The following MEGF9 variants were observed in gnomAD, a reference collection of about 807,000 sequenced individuals.
The protein encoded by MEGF9 is multiple EGF like domains 9.
Under a neutral mutation model 46.8 loss-of-function variants are expected in MEGF9, and 6 were observed. That is an observed-to-expected ratio of 0.13 (90% CI 0.07 to 0.25). The LOEUF is 0.25. Among genes scored for constraint, MEGF9 ranks in the 10% least tolerant of loss-of-function variants. The pLI is 1.00. For missense variants in MEGF9, 683 were observed against 792.4 expected (o/e 0.86, Z 1.66); for synonymous variants, 302 against 330.7 (o/e 0.91, Z 0.94).
At chr9:120,609,746 T>G (rs1009167653) in intron 4 of MEGF9, among the ~76,000 whole-genome samples, 2 of 152,134 alleles carry the variant, frequency 1.3e-5, no homozygotes, top group African/African-American at 2.4e-5. Flanking sequence ...TCCTTAGAAT[T>G]TACTATTATA....
intron 2 of MEGF9, among the ~76,000 whole-genome samples, chr9:120,630,482 T>C (rs1333797933): frequency 6.6e-6 from 1 of 152,248 alleles, no homozygotes; most frequent in Non-Finnish European, 1.5e-5. Flanking sequence ...GGCATGCAAA[T>C]ATCTCTTTGG....
intron 1 of MEGF9, among the ~76,000 whole-genome samples, chr9:120,669,464 A>T (rs1024765123): frequency 6.6e-6 from 1 of 152,186 alleles, no homozygotes; most frequent in African/African-American, 2.4e-5. Flanking sequence ...AATTATACCT[A>T]AAGGTTAAAA....
rs118070880 is a variant in MEGF9, at chr9:120,621,458, C to T, written c.943+1158G>A. 3.5e-3 allele frequency among the ~76,000 whole-genome samples: 531 copies of T among 152,304 alleles called. 6 individuals are homozygous for T. The highest frequency in any genetic ancestry group is 0.016 in the South Asian group (78 of 4,824). ...TGTACAATCTACTGTTAGATTAATG[C>T]AATGAGTTATTAATTCACATGTTGT... On this transcript the variant is annotated intron_variant, in intron 3 of 5. Transcript: ENST00000373930.
chr9:120,615,916 A>C (rs1360695945), intron 3 of MEGF9, among the ~76,000 whole-genome samples: 3 of 152,172 alleles, frequency 2.0e-5, no homozygotes, highest in Non-Finnish European at 4.4e-5. Context: ...AATAAATTAA[A>C]AAAAGAATAA....
intron 1 of MEGF9, among the ~76,000 whole-genome samples, chr9:120,711,840 T>TACAC (rs146669450): frequency 0.032 from 4,492 of 139,128 alleles, 93 homozygotes; most frequent in Admixed American, 0.053. Flanking sequence ...TATACATACA[T>TACAC]ACATACACAC....
chr9:120,666,463 T>C (rs2043725502), intron 1 of MEGF9, among the ~76,000 whole-genome samples: 1 of 152,218 alleles, frequency 6.6e-6, no homozygotes. Flanking sequence ...TATCCCTCTA[T>C]TTGAATGGCT....
At chr9:120,667,336 G>A (rs552841871) in intron 1 of MEGF9, among the ~76,000 whole-genome samples, 1 of 152,288 alleles carries the variant, frequency 6.6e-6, no homozygotes, top group East Asian at 1.9e-4. Context: ...TTTACTAAAA[G>A]GAGTACAATC....
intron 1 of MEGF9, among the ~76,000 whole-genome samples, chr9:120,691,927 G>A (rs773884345): frequency 1.8e-4 from 27 of 152,110 alleles, no homozygotes; most frequent in African/African-American, 4.1e-4. Context: ...AATATGGTAC[G>A]GAATAAATTG....
intron 5 of MEGF9, among the ~76,000 whole-genome samples, chr9:120,607,491 G>C (rs187044113): frequency 5.3e-5 from 8 of 152,166 alleles, no homozygotes; most frequent in Admixed American, 6.5e-5. Flanking sequence ...AATAAAAATA[G>C]ATGAAGAGAA....
chr9:120,613,049 C>A (rs1370695524), intron 3 of MEGF9, among the ~76,000 whole-genome samples: 2 of 151,554 alleles, frequency 1.3e-5, no homozygotes, highest in Non-Finnish European at 2.9e-5. Context: ...GTTGCCCAGG[C>A]TGATACTGAA....
rs1006849810 is a variant in MEGF9, at chr9:120,713,783, G to T, written c.576C>A (p.Thr192=). 4 of 1,294,434 alleles carry T rather than the reference G, an allele frequency of 3.1e-6. No homozygotes were observed. In the African/African-American group the frequency reaches 4.5e-5, roughly 15 times the overall value. The allele number at this position is 1,294,434 out of a possible 1,614,324, so 80.2% of individuals were successfully genotyped here. A position where few individuals can be genotyped will look rare whatever the true frequency, so the allele number is the denominator to read the frequency against. Residue 192 remains threonine (T), a synonymous_variant, in exon 1 of 6, where the codon ACC becomes ACA. Transcript: ENST00000373930. ...NSSVLPTPPA[T]EAPSSPPPEY... is the part of the protein sequence containing the mutation. ...CTGGAGGAGGCGAAGAGGGGGCCTC[G>T]GTGGCAGGTGGGGTGGGGAGGACGC...
Position 120,703,680 on chromosome 9 carries a change from A to G in MEGF9, c.601+10078T>C, listed in dbSNP as rs563905384. Reference sequence around the variant, plus strand: ...GAAATAGCAGGTTAAGATAATTCCAAAGAGATTCTGGGCCAGGTGCAGTGG... The same window carrying G: ...GAAATAGCAGGTTAAGATAATTCCAGAGAGATTCTGGGCCAGGTGCAGTGG... On this transcript the variant is annotated intron_variant, in intron 1 of 5. Coordinates refer to ENST00000373930, the MANE Select transcript of MEGF9 (RefSeq NM_001080497.3). 2.6e-5 allele frequency among the ~76,000 whole-genome samples: 4 copies of G among 152,336 alleles called. No individual in the cohort carries two copies. The South Asian group carries it at 8.3e-4, about 32-fold the overall frequency.
rs1307209009 is a variant in MEGF9 at position 120,604,924 on chromosome 9, G to C, written c.*266C>G. 2.2e-6 allele frequency: 1 copy of C among 444,664 alleles called. No individual in the cohort carries two copies. The highest frequency in any genetic ancestry group is 4.0e-6 in the Non-Finnish European group (1 of 249,798). The allele number at this position is 444,664 out of a possible 1,614,324, so 27.5% of individuals were successfully genotyped here. A position where few individuals can be genotyped will look rare whatever the true frequency, so the allele number is the denominator to read the frequency against. On this transcript the variant is annotated 3_prime_UTR_variant, in exon 6 of 6. Transcript: ENST00000373930. ...CAAAGTGGTTTTGGGCTGCACTATG[G>C]GGTTCAGCCTTTCCATACTCCCATG...
chr9:120,654,329 A>C (rs909580626), intron 2 of MEGF9, among the ~76,000 whole-genome samples: 3 of 152,238 alleles, frequency 2.0e-5, no homozygotes, highest in African/African-American at 7.2e-5. Context: ...AAAATAGTCC[A>C]TATAGAACAG....
intron 2 of MEGF9, among the ~76,000 whole-genome samples, chr9:120,636,176 A>C (rs2043573306): frequency 6.6e-6 from 1 of 152,138 alleles, no homozygotes; most frequent in Non-Finnish European, 1.5e-5. Flanking sequence ...GACCTCAAGT[A>C]ATCCACCCAT....
At chr9:120,634,283 C>CAT (rs2043563077) in intron 2 of MEGF9, among the ~76,000 whole-genome samples, 1 of 151,896 alleles carries the variant, frequency 6.6e-6, no homozygotes, top group Admixed American at 6.6e-5. Context: ...GTGTTGGGTG[C>CAT]ATATATATTT....
chr9:120,676,376 C>T (rs2043773525), intron 1 of MEGF9, among the ~76,000 whole-genome samples: 1 of 152,288 alleles, frequency 6.6e-6, no homozygotes, highest in South Asian at 2.1e-4. Flanking sequence ...ATATGAGTTT[C>T]ATACATATCT....
At chr9:120,663,719 C>CAA (rs1188506363) in intron 1 of MEGF9, among the ~76,000 whole-genome samples, 1 of 152,184 alleles carries the variant, frequency 6.6e-6, no homozygotes, top group East Asian at 1.9e-4. Context: ...ACAGCTCATT[C>CAA]AATTGCCTAA....
intron 2 of MEGF9, among the ~76,000 whole-genome samples, chr9:120,654,824 C>T (rs970284040): frequency 6.6e-6 from 1 of 152,098 alleles, no homozygotes; most frequent in African/African-American, 2.4e-5. Context: ...TACTATTGGT[C>T]CTGACTTTGT....
Sources: gnomAD v4.1 joint callset for allele counts (sites outside exome capture counted in the v4.1 genomes callset) on GRCh38, gnomAD v4.1.1 for gene constraint, MANE v1.5 for transcripts, NCBI Gene and HGNC (gene_info 2026-07-23, HGNC 2026-07-21) for gene names.